Variants in ERICH1 observed in about 807,000 individuals in gnomAD.
ERICH1 encodes the protein glutamate-rich protein 1.
Under a neutral mutation model 39.6 loss-of-function variants are expected in ERICH1, and 56 were observed. The observed-to-expected ratio is 1.41, with a 90% confidence interval of 1.14 to 1.77. The LOEUF (loss-of-function observed/expected upper bound fraction) is 1.77. ERICH1 is among the 40% of genes most tolerant of loss of function. The probability of loss-of-function intolerance (pLI) is 0.00; values close to 1 mark genes in which losing one functional copy is unlikely to be tolerated. For missense variants in ERICH1, 826 were observed against 575.4 expected, an observed-to-expected ratio of 1.44 and a Z score of -4.45; for synonymous variants, 313 against 223.6, an observed-to-expected ratio of 1.40 and a Z score of -3.57.
rs530403091 is a variant in ERICH1, at chr8:718,409, C to G, written c.23-2402G>C. On this transcript the variant is annotated intron_variant, in intron 1 of 5. Transcript: ENST00000262109. ...AGGTAGGGAGCATTTTCACTGAATT[C>G]CATCCACTGCCTGAAATAAATTACA... is the stretch of plus-strand genomic sequence containing the variant. Among the ~76,000 whole-genome samples, 132 of 152,280 alleles carry G rather than the reference C, an allele frequency of 8.7e-4. 1 individual carries two copies. The highest frequency in any genetic ancestry group is 3.1e-3 in the African/African-American group (127 of 41,556).
intron 2 of ERICH1, among the ~76,000 whole-genome samples, chr8:699,787 GCA>G (rs1242022113): frequency 4.3e-5 from 3 of 69,858 alleles, no homozygotes; most frequent in African/African-American, 7.6e-5. Context: ...CCGCACACGC[GCA>G]CAGACCCGCA....
chr8:683,511 TC>T (rs1806613412), intron 3 of ERICH1, among the ~76,000 whole-genome samples: 1 of 152,190 alleles, frequency 6.6e-6, no homozygotes, highest in Admixed American at 6.5e-5. Context: ...ATTCTCGCTC[TC>T]TCTCTCTTAA....
intron 3 of ERICH1, among the ~76,000 whole-genome samples, chr8:691,322 G>T (rs562917272): frequency 2.6e-4 from 39 of 152,230 alleles, no homozygotes; most frequent in Non-Finnish European, 3.8e-4. Context: ...TCCACTTCCT[G>T]TAAGAACACT....
At chr8:658,849 G>A (rs1190373268) in intron 3 of ERICH1, among the ~76,000 whole-genome samples, 1 of 152,192 alleles carries the variant, frequency 6.6e-6, no homozygotes, top group Non-Finnish European at 1.5e-5. Context: ...TATGGGGCCC[G>A]AGCTGGCTCC....
intron 2 of ERICH1, among the ~76,000 whole-genome samples, chr8:699,118 A>C (rs1025703144): frequency 1.6e-4 from 24 of 151,856 alleles, no homozygotes; most frequent in African/African-American, 4.8e-4. Flanking sequence ...CTGTCTCAAA[A>C]AACCCCCCAA....
intron 2 of ERICH1, among the ~76,000 whole-genome samples, chr8:702,363 G>A (rs992258899): frequency 2.0e-5 from 3 of 152,100 alleles, no homozygotes; most frequent in Non-Finnish European, 2.9e-5. Flanking sequence ...AGCACACAGC[G>A]GCACAGCTCC....
At chr8:665,119 C>T (rs1177157503) in intron 5 of ERICH1, among the ~76,000 whole-genome samples, 2 of 152,220 alleles carry the variant, frequency 1.3e-5, no homozygotes, top group East Asian at 1.9e-4. Context: ...GTGGTGCCTA[C>T]GTCATGAAAC....
chr8:661,415 C>G (rs138435783), downstream of ERICH1, among the ~76,000 whole-genome samples: 52 of 152,232 alleles, frequency 3.4e-4, no homozygotes, highest in African/African-American at 1.2e-3. Context: ...GCGGAGGTCC[C>G]AGGGTGCAAG....
At chr8:666,554 C>G (rs567642759) in intron 5 of ERICH1, 3 of 152,712 alleles carry the variant, frequency 2.0e-5, no homozygotes, top group Non-Finnish European at 2.9e-5. Flanking sequence ...TTCCGTCGCC[C>G]GCGGGCCCTG....
chr8:664,404 A>C lies in ERICH1; in HGVS notation c.*199T>G. The stretch of plus-strand genomic sequence containing the variant: ...ATTCAAGATATATATAATTGCAAAT[A>C]AGTGAAAAATTTCCATTTTACCCCA... On this transcript the variant is annotated 3_prime_UTR_variant, in exon 6 of 6. Transcript: ENST00000262109. 1.6e-6 allele frequency: 2 copies of C among 1,238,804 alleles called. No individual in the cohort carries two copies. The allele number at this position is 1,238,804 out of a possible 1,614,324, so 76.7% of individuals were successfully genotyped here.
intron 3 of ERICH1, among the ~76,000 whole-genome samples, chr8:691,255 T>C (rs1039247546): frequency 6.6e-6 from 1 of 152,162 alleles, no homozygotes; most frequent in South Asian, 2.1e-4. Flanking sequence ...CCTGGACACG[T>C]GTCCTCAAGA....
chr8:673,986 T>C lies in ERICH1; in HGVS notation c.366A>G (p.Lys122=). The change falls in exon 4 of 6, where the codon AAA becomes AAG. Residue 122 remains lysine, a synonymous_variant. Coordinates refer to ENST00000262109, the MANE Select transcript of ERICH1 (RefSeq NM_207332.3). ...TAAGAACATTATTGGGATTTTTAAA[T>C]TTTTTCTTTGATTTATGCTTCCTAA... ...RRIRKHKSKK[K]FKNPNNVLIE... 2.5e-6 allele frequency: 4 copies of C among 1,588,622 alleles called. No homozygotes were observed. Among genetic ancestry groups the C allele is most frequent in the Non-Finnish European group, 2.6e-6 (3 of 1,175,012 alleles).
chr8:656,511 C>G (rs887083851), intron 3 of ERICH1, among the ~76,000 whole-genome samples: 3 of 152,248 alleles, frequency 2.0e-5, no homozygotes, highest in African/African-American at 4.8e-5. Flanking sequence ...CCTTCCCCAC[C>G]TGTGCTCTGG....
chr8:652,126 G>A (rs780535642), intron 3 of ERICH1, among the ~76,000 whole-genome samples: 50 of 152,294 alleles, frequency 3.3e-4, no homozygotes, highest in Admixed American at 6.5e-4. Context: ...TCAGACAAGC[G>A]ATTGCCCTGG....
chr8:729,925 A>G (rs964381241), intron 1 of ERICH1, among the ~76,000 whole-genome samples: 3 of 152,156 alleles, frequency 2.0e-5, no homozygotes, highest in African/African-American at 7.2e-5. Context: ...GGAATGTAAG[A>G]GAAGAGTGTG....
At chr8:712,256 T>A (rs556530645) in intron 2 of ERICH1, among the ~76,000 whole-genome samples, 1 of 152,252 alleles carries the variant, frequency 6.6e-6, no homozygotes, top group Non-Finnish European at 1.5e-5. Context: ...ATCTCTATAA[T>A]ATCGAGTCTT....
chr8:620,517 A>G (rs1235465468), intron 3 of ERICH1, among the ~76,000 whole-genome samples: 2 of 152,202 alleles, frequency 1.3e-5, no homozygotes, highest in African/African-American at 4.8e-5. Context: ...TGCAATGTAC[A>G]CTGACCTCCT....
intron 2 of ERICH1, among the ~76,000 whole-genome samples, chr8:705,355 T>G (rs553454692): frequency 6.6e-6 from 1 of 152,348 alleles, no homozygotes; most frequent in East Asian, 1.9e-4. Context: ...CCCACGGTTC[T>G]TACGTTTTTT....
At chr8:719,128 C>CG (rs1198857440) in intron 1 of ERICH1, among the ~76,000 whole-genome samples, 6 of 152,120 alleles carry the variant, frequency 3.9e-5, no homozygotes, top group Non-Finnish European at 7.4e-5. Flanking sequence ...GCCCGACCCT[C>CG]GGGGCTTTGC....
Sources: allele counts gnomAD v4.1 joint callset (sites outside exome capture counted in the v4.1 genomes callset), GRCh38; gene constraint gnomAD v4.1.1; transcripts MANE v1.5; gene names NCBI Gene and HGNC (gene_info 2026-07-23, HGNC 2026-07-21).